The following CPLX2 variants were observed in gnomAD, a reference collection of about 807,000 sequenced individuals.
CPLX2 encodes complexin-2.
In CPLX2, 5 loss-of-function variants were observed where a neutral mutation model predicts 16.3. The observed-to-expected ratio is 0.31, with a 90% CI of 0.16 to 0.64. The LOEUF (loss-of-function observed/expected upper bound fraction) is 0.64, where lower values mean the gene tolerates loss of function less well. Among genes scored for constraint, CPLX2 ranks in the 30% least tolerant of loss-of-function variants. CPLX2 has a pLI of 0.79. For synonymous variants in CPLX2, 89 were observed against 73.2 expected (o/e 1.22, Z -1.10); for missense variants, 144 against 181.4 (o/e 0.79, Z 1.18).
chr5:175,810,610 T>A (rs918153334), intron 2 of CPLX2, among the ~76,000 whole-genome samples: 1 of 152,206 alleles, frequency 6.6e-6, no homozygotes, highest in African/African-American at 2.4e-5. Context: ...TACCAATTCC[T>A]GGGGAACCCA....
chr5:175,871,465 G>GAGAA, upstream of CPLX2: 1 of 147,680 alleles, frequency 6.8e-6, no homozygotes, highest in Admixed American at 6.8e-5. Flanking sequence ...GAGAGAGAGA[G>GAGAA]AGAGAGAGAG....
In CPLX2 at chr5:175,881,365, T is replaced by C. The variant is rs117387736; in HGVS notation, c.*1320T>C. On this transcript the variant is annotated 3_prime_UTR_variant, in exon 4 of 4. Transcript: ENST00000393745. ...GTTAGCCTTGTGTATGTGTGCTTGA[T>C]TGAGGTGGTGTATTTGGGTTGAAAT... 6 of 153,468 alleles carry C rather than the reference T, an allele frequency of 3.9e-5. No individual in the cohort carries two copies. In the East Asian group the frequency reaches 1.2e-3, roughly 30 times the overall value. 9.5% of individuals were successfully genotyped at this position (153,468 alleles called of 1,614,324 possible).
chr5:175,877,578 G>A (rs1431250288), intron 1 of CPLX2, among the ~76,000 whole-genome samples: 2 of 152,122 alleles, frequency 1.3e-5, no homozygotes, highest in South Asian at 2.1e-4. Context: ...GATAGCTCAC[G>A]GATGTCCCCT....
At chr5:175,827,609 C>G (rs984217940) in intron 2 of CPLX2, among the ~76,000 whole-genome samples, 1 of 152,138 alleles carries the variant, frequency 6.6e-6, no homozygotes, top group East Asian at 1.9e-4. Context: ...ACAAAATTAG[C>G]TGGGTGTGGT....
In CPLX2 at chr5:175,872,344, C is replaced by T. The variant is rs1759647437; in HGVS notation, c.-89+639C>T. ...CCGCTTGGACAGCGCACGCCCGCCG[C>T]CTGGAGTCTTCGGGAACGACCCCTT... On this transcript the variant is annotated intron_variant, in intron 1 of 3. Transcript: ENST00000393745. The surrounding 1 kb of genome is among the most constrained non-coding windows in gnomAD (Gnocchi z 5.0). The T allele has an allele frequency of 6.5e-6, 1 of 152,776 alleles. No individual in the cohort carries two copies. Among genetic ancestry groups the T allele is most frequent in the Non-Finnish European group, 1.5e-5 (1 of 68,526 alleles). 9.5% of individuals were successfully genotyped at this position (152,776 alleles called of 1,614,324 possible).
At chr5:175,810,566 G>T (rs183924443) in intron 2 of CPLX2, among the ~76,000 whole-genome samples, 1 of 152,166 alleles carries the variant, frequency 6.6e-6, no homozygotes, top group Non-Finnish European at 1.5e-5. Context: ...TGCTCAATAC[G>T]TGTGTACTGA....
chr5:175,802,907 C>T (rs945696193), intron 1 of CPLX2, among the ~76,000 whole-genome samples: 6 of 151,972 alleles, frequency 3.9e-5, no homozygotes, highest in East Asian at 1.9e-4. Flanking sequence ...TCTTGGTTCA[C>T]TGCAACATCC....
rs943614892 is a variant in CPLX2, at chr5:175,872,594, C to CG, written c.-89+891dup. ...CTTCTGGCCGGGAAACGGGAACCCC[C>CG]GGCCACTTCCGCTTTTCAGCCGGAG... is the stretch of plus-strand genomic sequence containing the variant. On this transcript the variant is annotated intron_variant, in intron 1 of 3. Coordinates refer to ENST00000393745, the MANE Select transcript of CPLX2 (RefSeq NM_001008220.2). This position sits in a 1 kb window ranked among gnomAD's most constrained non-coding sequence, Gnocchi z 5.0. Among the ~76,000 whole-genome samples the CG allele has an allele frequency of 6.6e-6, 1 of 152,108 alleles. No homozygotes were observed. Among genetic ancestry groups the CG allele is most frequent in the African/African-American group, 2.4e-5 (1 of 41,422 alleles).
intron 2 of CPLX2, among the ~76,000 whole-genome samples, chr5:175,840,730 T>C (rs2113668222): frequency 6.6e-6 from 1 of 152,358 alleles, no homozygotes; most frequent in South Asian, 2.1e-4. Context: ...TGTATTAGGC[T>C]GGTGCCAGGG....
chr5:175,806,244 T>G (rs1177396030), intron 1 of CPLX2, among the ~76,000 whole-genome samples: 1 of 151,788 alleles, frequency 6.6e-6, no homozygotes, highest in East Asian at 1.9e-4. Flanking sequence ...TTCCTCCCAG[T>G]TCCCTCAGTA....
At chr5:175,865,745 T>C (rs1759463626) in intron 2 of CPLX2, among the ~76,000 whole-genome samples, 1 of 152,198 alleles carries the variant, frequency 6.6e-6, no homozygotes, top group Non-Finnish European at 1.5e-5. Context: ...CAAGGGTTTT[T>C]CAACCAGTCG....
At chr5:175,806,879 G>C (rs898559522) in intron 1 of CPLX2, among the ~76,000 whole-genome samples, 1 of 152,108 alleles carries the variant, frequency 6.6e-6, no homozygotes, top group African/African-American at 2.4e-5. Context: ...AGTTACTCAC[G>C]GGTTTCCACT....
At chr5:175,860,135 T>C (rs1759333943) in intron 2 of CPLX2, among the ~76,000 whole-genome samples, 1 of 152,176 alleles carries the variant, frequency 6.6e-6, no homozygotes, top group Non-Finnish European at 1.5e-5. Context: ...CCCCAGGTGG[T>C]GGCAAACCAG....
In CPLX2 at chr5:175,849,136, C is replaced by T. The variant is rs1759105262; in HGVS notation, c.-88-29516C>T. Among the ~76,000 whole-genome samples, 1 of 152,204 alleles carries T rather than the reference C, an allele frequency of 6.6e-6. No individual in the cohort carries two copies. The highest frequency in any genetic ancestry group is 1.5e-5 in the Non-Finnish European group (1 of 68,036). On this transcript the variant is annotated intron_variant, in intron 2 of 4. Transcript: ENST00000359546. This position sits in a 1 kb window ranked among gnomAD's most constrained non-coding sequence, Gnocchi z 4.4. ...AGGCTGTGCTGGTGTGTGTTTTTAACACCAGCCAGTGCTGCCGTGTGTGCA... is the reference window on the plus strand; with the variant it reads ...AGGCTGTGCTGGTGTGTGTTTTTAATACCAGCCAGTGCTGCCGTGTGTGCA...
rs186680335 is a variant in CPLX2 at position 175,852,576 on chromosome 5, C to T, written c.-88-26076C>T. ...TCTCATTTAATCTTCCGAACAGCCC[C>T]GGAAATGGGGATTGCTGTTGCCTTT... is the stretch of plus-strand genomic sequence containing the variant. On this transcript the variant is annotated intron_variant, in intron 2 of 4. Coordinates refer to the CPLX2 transcript ENST00000359546. Among the ~76,000 whole-genome samples, 6 of 152,306 alleles carry T rather than the reference C, an allele frequency of 3.9e-5. No homozygotes were observed. In the East Asian group the frequency reaches 1.2e-3, roughly 29 times the overall value.
intron 1 of CPLX2, among the ~76,000 whole-genome samples, chr5:175,807,925 C>G (rs771812271): frequency 5.3e-5 from 8 of 152,192 alleles, no homozygotes; most frequent in Admixed American, 5.2e-4. Context: ...CTGGGCCAAC[C>G]GTTCATGCCT....
At chr5:175,871,462 A>AGAGAGAAAGAGAGAGAGAGAGAGG (rs1759610666), upstream of CPLX2, 1 of 136,236 alleles carries the variant, frequency 7.3e-6, no homozygotes, top group Admixed American at 7.2e-5. Context: ...AGAGAGAGAG[A>AGAGAGAAAGAGAGAGAGAGAGAGG]GAGAGAGAGA....
rs1755532028 is a variant in CPLX2, at chr5:175,879,976, AGAG to A, written c.340_342del (p.Glu114del). On this transcript the variant is annotated inframe_deletion, in exon 4 of 4. Transcript: ENST00000393745. ...GCTGCGGGGACGAGGAGGAGGAGGA[AGAG>A]GAGAGCATCCTGGACACGGTGCTCA... The A allele has an allele frequency of 6.2e-7, 1 of 1,613,920 alleles. No homozygotes were observed. The highest frequency in any genetic ancestry group is 8.5e-7 in the Non-Finnish European group (1 of 1,179,982).
At chr5:175,844,068 C>T (rs1758998028) in intron 2 of CPLX2, among the ~76,000 whole-genome samples, 1 of 152,232 alleles carries the variant, frequency 6.6e-6, no homozygotes, top group Non-Finnish European at 1.5e-5. Flanking sequence ...ATCACCTCAC[C>T]TATAGGACAA....
Sources: allele counts gnomAD v4.1 joint callset (sites outside exome capture counted in the v4.1 genomes callset), GRCh38; gene constraint gnomAD v4.1.1; non-coding constraint Gnocchi (gnomAD v3.1); transcripts MANE v1.5; gene names NCBI Gene and HGNC (gene_info 2026-07-23, HGNC 2026-07-21).